Variants in CXADR observed in about 807,000 individuals in gnomAD.
The protein encoded by CXADR is CXADR cell adhesion molecule.
CXADR carries 20 observed loss-of-function variants against 40.3 expected under a neutral mutation model. The ratio of observed to expected loss-of-function variants is 0.50; its 90% CI spans 0.35 to 0.72. The LOEUF (loss-of-function observed/expected upper bound fraction) is 0.72, where lower values mean the gene tolerates loss of function less well. CXADR is among the 30% of genes least tolerant of loss of function. The pLI, the probability that CXADR is intolerant of heterozygous loss-of-function variation, is 0.01. For synonymous variants in CXADR, 150 were observed against 161.3 expected, an observed-to-expected ratio of 0.93 and a Z score of 0.53; for missense variants, 332 against 449.1, an observed-to-expected ratio of 0.74 and a Z score of 2.36.
At chr21:17,584,028 T>C (rs2061377910) in intron 7 of CXADR, among the ~76,000 whole-genome samples, 1 of 152,236 alleles carries the variant, frequency 6.6e-6, no homozygotes, top group Non-Finnish European at 1.5e-5. Flanking sequence ...ACATGCTTAT[T>C]CCTGGGTTTG....
chr21:17,612,408 G>A, the CXADR span: 1 of 152,272 alleles, frequency 6.6e-6, no homozygotes, highest in South Asian at 2.1e-4. Flanking sequence ...CCCGGAGGCG[G>A]AATGTAACGC....
intron 1 of CXADR, chr21:17,527,376 A>G (rs981454603): frequency 2.0e-5 from 3 of 152,198 alleles, no homozygotes; most frequent in Admixed American, 2.0e-4. Flanking sequence ...CAGGATGTTT[A>G]CTTTTTAGCT....
intron 7 of CXADR, among the ~76,000 whole-genome samples, chr21:17,579,783 C>T (rs2061347613): frequency 6.6e-6 from 1 of 152,062 alleles, no homozygotes; most frequent in African/African-American, 2.4e-5. Context: ...AAACTTGTTA[C>T]ACTGGCCATT....
chr21:17,628,218 C>A, the CXADR span, among the ~76,000 whole-genome samples: 2,587 of 152,178 alleles, frequency 0.017, 71 homozygotes, highest in African/African-American at 0.059. Flanking sequence ...TCAGGGTTCT[C>A]CAGAGAAACA....
chr21:17,600,260 A>G, the CXADR span, among the ~76,000 whole-genome samples: 1 of 152,100 alleles, frequency 6.6e-6, no homozygotes, highest in Non-Finnish European at 1.5e-5. Flanking sequence ...CACAGTGTCA[A>G]CACTATCAAA....
downstream of CXADR, among the ~76,000 whole-genome samples, chr21:17,595,044 C>T (rs1335613674): frequency 6.6e-6 from 1 of 151,454 alleles, no homozygotes; most frequent in Non-Finnish European, 1.5e-5. Context: ...CATGCCCTAG[C>T]ACTGGTCTAA....
intron 1 of CXADR, among the ~76,000 whole-genome samples, chr21:17,536,784 T>C (rs1465844257): frequency 6.6e-6 from 1 of 152,100 alleles, no homozygotes. Flanking sequence ...TGAGACAGTG[T>C]CTCACTCTGT....
At chr21:17,573,858 G>T (rs1373472825), downstream of CXADR, among the ~76,000 whole-genome samples, 1 of 152,228 alleles carries the variant, frequency 6.6e-6, no homozygotes, top group Non-Finnish European at 1.5e-5. Context: ...AGTGAGCCGA[G>T]ATTGTGCCTC....
Position 17,565,816 on chromosome 21 carries a change from C to T in CXADR, c.*124C>T. On this transcript the variant is annotated 3_prime_UTR_variant, in exon 7 of 7. Transcript: ENST00000284878. ...CATCAAAAAATAAGTTAATCAGGAA[C>T]TGTACGGAATATATTTTTAAAAATT... is the stretch of plus-strand genomic sequence containing the variant. 1 of 1,434,468 alleles carries T rather than the reference C, an allele frequency of 7.0e-7. No individual in the cohort carries two copies. 88.9% of individuals were successfully genotyped at this position (1,434,468 alleles called of 1,614,324 possible).
At chr21:17,536,274 T>G (rs775660860) in intron 1 of CXADR, among the ~76,000 whole-genome samples, 1 of 152,214 alleles carries the variant, frequency 6.6e-6, no homozygotes, top group Non-Finnish European at 1.5e-5. Flanking sequence ...GTAGCATCAG[T>G]GTTCATTTCT....
chr21:17,515,277 A>G (rs2060445612), intron 1 of CXADR, among the ~76,000 whole-genome samples: 1 of 152,096 alleles, frequency 6.6e-6, no homozygotes, highest in Non-Finnish European at 1.5e-5. Context: ...CAAAAAATAC[A>G]ACAAAATAAA....
At chr21:17,630,289 A>G in the CXADR span, among the ~76,000 whole-genome samples, 1 of 152,240 alleles carries the variant, frequency 6.6e-6, no homozygotes, top group Admixed American at 6.5e-5. Context: ...CCCAATATCC[A>G]TCGAGATTTA....
At chr21:17,613,070 G>T in the CXADR span, 2 of 152,042 alleles carry the variant, frequency 1.3e-5, no homozygotes, top group East Asian at 2.0e-4. Flanking sequence ...CTAGCCGCAC[G>T]GGAGGCGACA....
intron 1 of CXADR, among the ~76,000 whole-genome samples, chr21:17,544,235 GA>G (rs1438084576): frequency 6.6e-6 from 1 of 152,178 alleles, no homozygotes; most frequent in Non-Finnish European, 1.5e-5. Flanking sequence ...GAGTTTATTA[GA>G]AATAATAGAG....
chr21:17,581,901 G>T (rs1284550833), intron 7 of CXADR, among the ~76,000 whole-genome samples: 1 of 64 alleles, frequency 0.016, no homozygotes, highest in Admixed American at 0.25. Flanking sequence ...TGTACTAGTA[G>T]TCTGGCTAAT....
rs2061200388 is a variant in CXADR, at chr21:17,565,792, A to G, written c.*100A>G. ...AATTGTGTTACTAGCCTCAAAATAC[A>G]TCAAAAAATAAGTTAATCAGGAACT... On this transcript the variant is annotated 3_prime_UTR_variant, in exon 7 of 7. Transcript: ENST00000284878. 1.4e-6 allele frequency: 2 copies of G among 1,476,178 alleles called. No homozygotes were observed. The highest frequency in any genetic ancestry group is 1.8e-6 in the Non-Finnish European group (2 of 1,115,924). 91.4% of individuals were successfully genotyped at this position (1,476,178 alleles called of 1,614,324 possible).
chr21:17,563,180 A>G (rs2061147637), intron 6 of CXADR, among the ~76,000 whole-genome samples: 2 of 152,174 alleles, frequency 1.3e-5, no homozygotes. Context: ...GTTTTGATTT[A>G]AAGAGAGCCT....
Position 17,513,086 on chromosome 21 carries a change from A to T in CXADR, c.-44A>T. 7.5e-7 allele frequency: 1 copy of T among 1,336,928 alleles called. No individual in the cohort carries two copies. Among genetic ancestry groups the T allele is most frequent in the Non-Finnish European group, 9.6e-7 (1 of 1,041,260 alleles). The allele number at this position is 1,336,928 out of a possible 1,614,324, so 82.8% of individuals were successfully genotyped here. On this transcript the variant is annotated 5_prime_UTR_variant, in exon 1 of 7. Coordinates refer to ENST00000284878, the MANE Select transcript of CXADR (RefSeq NM_001338.5). ...CGCGGGGAGCCTGGGACCAGGAGCGAGAGCCGCCTACCTGCAGCCGCCGCC... is the reference window on the plus strand; with the variant it reads ...CGCGGGGAGCCTGGGACCAGGAGCGTGAGCCGCCTACCTGCAGCCGCCGCC...
chr21:17,594,063 A>C, downstream of CXADR: 1 of 1,601,730 alleles, frequency 6.2e-7, no homozygotes, highest in South Asian at 1.1e-5. Context: ...CCTTTTTCTC[A>C]ACATGACACC....
Sources: allele counts gnomAD v4.1 joint callset (sites outside exome capture counted in the v4.1 genomes callset), GRCh38; gene constraint gnomAD v4.1.1; transcripts MANE v1.5; gene names NCBI Gene and HGNC (gene_info 2026-07-23, HGNC 2026-07-21).